Variants in CSMD3 observed in about 807,000 individuals in gnomAD.
CSMD3 encodes CUB and Sushi multiple domains 3.
A neutral mutation model predicts 435.2 loss-of-function variants in CSMD3; 177 were observed. The observed-to-expected ratio is 0.41, with a 90% confidence interval of 0.36 to 0.46. The LOEUF is 0.46. CSMD3 is among the 20% of genes least tolerant of loss of function. The pLI is 0.34. For missense variants in CSMD3, 4,265 were observed against 4,504.6 expected (o/e 0.95, Z 1.52); for synonymous variants, 1,656 against 1,520.5 (o/e 1.09, Z -2.07).
At chr8:113,409,734 G>A (rs2094549621) in intron 1 of CSMD3, among the ~76,000 whole-genome samples, 1 of 152,188 alleles carries the variant, frequency 6.6e-6, no homozygotes, top group African/African-American at 2.4e-5. Flanking sequence ...CAGAGAAGCT[G>A]TGCAAAGTTA....
chr8:113,102,597 G>A (rs1359793625), intron 4 of CSMD3, among the ~76,000 whole-genome samples: 2 of 152,036 alleles, frequency 1.3e-5, no homozygotes, highest in Admixed American at 6.6e-5. Context: ...ACTAGTTATC[G>A]AATTAAGGAA....
intron 36 of CSMD3, among the ~76,000 whole-genome samples, chr8:112,386,252 T>A (rs1189097442): frequency 6.6e-6 from 1 of 152,184 alleles, no homozygotes; most frequent in East Asian, 1.9e-4. Flanking sequence ...AGGAAAAAAA[T>A]AAAATCTGTT....
chr8:112,939,452 T>A (rs2083383902), intron 9 of CSMD3, among the ~76,000 whole-genome samples: 1 of 152,030 alleles, frequency 6.6e-6, no homozygotes, highest in African/African-American at 2.4e-5. Flanking sequence ...GCATTTCAGT[T>A]TGGTGCCACC....
chr8:112,945,506 A>G (rs1431179866), intron 9 of CSMD3, among the ~76,000 whole-genome samples: 1 of 151,366 alleles, frequency 6.6e-6, no homozygotes, highest in African/African-American at 2.4e-5. Flanking sequence ...TAGAGAGACA[A>G]ATTGTTAACT....
intron 6 of CSMD3, among the ~76,000 whole-genome samples, chr8:113,002,774 C>T (rs1055173994): frequency 1.3e-5 from 2 of 152,098 alleles, no homozygotes; most frequent in Non-Finnish European, 2.9e-5. Context: ...TTCCTGTCAA[C>T]ATGTTTTACT....
chr8:112,295,767 C>A (rs1029469065), intron 54 of CSMD3, 66 bp downstream of exon 54: 1 of 1,358,102 alleles, frequency 7.4e-7, no homozygotes, highest in African/African-American at 1.4e-5. Context: ...ATTCATCTTG[C>A]CTAACAAAAA....
intron 22 of CSMD3, among the ~76,000 whole-genome samples, chr8:112,620,153 A>G (rs1833957476): frequency 6.6e-6 from 1 of 152,114 alleles, no homozygotes; most frequent in South Asian, 2.1e-4. Flanking sequence ...TATCCTCAAC[A>G]TGTCAGGTCA....
chr8:112,562,574 C>A (rs185962284), intron 24 of CSMD3, among the ~76,000 whole-genome samples: 3 of 150,584 alleles, frequency 2.0e-5, no homozygotes, highest in Admixed American at 6.6e-5. Flanking sequence ...AATATGCTTG[C>A]CAAAACCATA....
chr8:112,888,622 C>A (rs1029626901), intron 10 of CSMD3, among the ~76,000 whole-genome samples: 10 of 151,612 alleles, frequency 6.6e-5, no homozygotes, highest in Non-Finnish European at 1.3e-4. Flanking sequence ...TTGTAAAATT[C>A]CTCTCAGAAA....
At chr8:112,800,396 G>C (rs1255710973) in intron 12 of CSMD3, 122 bp from the exon 13 acceptor site, 3 of 727,680 alleles carry the variant, frequency 4.1e-6, no homozygotes, top group Non-Finnish European at 7.5e-6. Context: ...GATAAACATA[G>C]AGGAGTATGT....
At chr8:112,969,883 AT>A (rs1401691099) in intron 7 of CSMD3, among the ~76,000 whole-genome samples, 1 of 152,066 alleles carries the variant, frequency 6.6e-6, no homozygotes, top group East Asian at 1.9e-4. Context: ...ATTTAACATA[AT>A]AAAATATGAC....
Position 112,342,999 on chromosome 8 carries a change from A to ATATATTTATATATATATATT in CSMD3, c.6443-1314_6443-1313insAATATATATATATAAATATA, listed in dbSNP as rs1178813429. Among the ~76,000 whole-genome samples, 8 of 24,470 alleles carry ATATATTTATATATATATATT rather than the reference A, an allele frequency of 3.3e-4. 1 individual carries two copies. In the South Asian group the frequency reaches 0.012, roughly 38 times the overall value. The allele number at this position is 24,470 out of a possible 152,430, so 16.1% of individuals were successfully genotyped here. Reference sequence around the variant, plus strand: ...TATATATATATATTTATATATATATATTTATATATATATATATTTATATAT... The same window carrying ATATATTTATATATATATATT: ...TATATATATATATTTATATATATATATATATTTATATATATATATTTTTATATATATATATATTTATATAT... On this transcript the variant is annotated intron_variant, in intron 41 of 70. Transcript: ENST00000297405.
chr8:112,322,196 A>G (rs11778155), intron 45 of CSMD3, among the ~76,000 whole-genome samples: 30,048 of 152,020 alleles, frequency 0.2, 3,648 homozygotes, highest in East Asian at 0.39. Flanking sequence ...AAATTGTTTG[A>G]TTATTGTAAA....
intron 18 of CSMD3, among the ~76,000 whole-genome samples, chr8:112,652,755 A>G (rs184709092): frequency 6.6e-6 from 1 of 152,354 alleles, no homozygotes; most frequent in Non-Finnish European, 1.5e-5. Flanking sequence ...TGATATCAGT[A>G]TTATTTATTA....
chr8:112,244,470 G>C lies in CSMD3; in HGVS notation c.10326C>G (p.Phe3442Leu), dbSNP rs2130111097. 6.2e-7 allele frequency: 1 copy of C among 1,613,932 alleles called. No individual in the cohort carries two copies. Among genetic ancestry groups the C allele is most frequent in the Non-Finnish European group, 8.5e-7 (1 of 1,179,844 alleles). Reference protein sequence around the residue: ...YTLIYTCQPGFFLAGGTEHRV... With the variant: ...YTLIYTCQPGLFLAGGTEHRV... ...TATGTTCTGTTCCACCTGCTAAGAA[G>C]AAGCCAGGCTGACAGGTATAAATCA... Residue 3442 changes from phenylalanine (F) to leucine (L), a missense_variant, in exon 65 of 71, where the codon TTC (phenylalanine) becomes TTG (leucine). By Grantham distance (22) the Phe-to-Leu change is conservative. Coordinates refer to ENST00000297405, the MANE Select transcript of CSMD3 (RefSeq NM_198123.2).
intron 38 of CSMD3, among the ~76,000 whole-genome samples, chr8:112,359,652 G>T (rs186308684): frequency 2.0e-4 from 31 of 152,180 alleles, no homozygotes; most frequent in Non-Finnish European, 3.2e-4. Context: ...TGCCATAAAA[G>T]CAGTGACTTG....
intron 57 of CSMD3, among the ~76,000 whole-genome samples, chr8:112,288,697 T>C (rs1311697646): frequency 6.6e-6 from 1 of 151,908 alleles, no homozygotes; most frequent in Non-Finnish European, 1.5e-5. Flanking sequence ...AAAACGTAAA[T>C]GGTGTTTTTG....
intron 6 of CSMD3, among the ~76,000 whole-genome samples, chr8:113,012,818 T>C (rs1281409274): frequency 6.6e-6 from 1 of 152,026 alleles, no homozygotes; most frequent in Non-Finnish European, 1.5e-5. Context: ...TTCATCTAAA[T>C]TGTCTGAACC....
chr8:113,038,625 G>A (rs921635917), intron 5 of CSMD3, among the ~76,000 whole-genome samples: 1 of 152,156 alleles, frequency 6.6e-6, no homozygotes, highest in African/African-American at 2.4e-5. Flanking sequence ...GACAAGTTGA[G>A]TGTGTGCTTT....
Sources: gnomAD v4.1 joint callset for allele counts (sites outside exome capture counted in the v4.1 genomes callset) on GRCh38, gnomAD v4.1.1 for gene constraint, MANE v1.5 for transcripts, NCBI Gene and HGNC (gene_info 2026-07-23, HGNC 2026-07-21) for gene names.